RADIL: variants seen among roughly 807,000 people sequenced by gnomAD.
RADIL encodes the protein ras-associating and dilute domain-containing protein.
A neutral mutation model predicts 97.6 loss-of-function variants in RADIL; 99 were observed. The ratio of observed to expected loss-of-function variants is 1.01; its 90% CI spans 0.86 to 1.20. The LOEUF (loss-of-function observed/expected upper bound fraction) is 1.20, where lower values mean the gene tolerates loss of function less well. Ranked by LOEUF, RADIL falls within the 50% of genes most tolerant of loss-of-function variation. RADIL has a pLI of 0.00. For missense variants in RADIL, 1,765 were observed against 1,498.9 expected (o/e 1.18, Z -2.93); for synonymous variants, 803 against 691.8 (o/e 1.16, Z -2.52).
Position 4,835,188 on chromosome 7 carries a change from T to C in RADIL, c.835A>G (p.Thr279Ala), listed in dbSNP as rs992039335. The C allele has an allele frequency of 6.2e-7, 1 of 1,610,820 alleles. No individual in the cohort carries two copies. Among genetic ancestry groups the C allele is most frequent in the Admixed American group, 1.7e-5 (1 of 59,826 alleles). The change falls in exon 4 of 15, where the codon ACC becomes GCC. Residue 279 changes from threonine (T) to alanine (A), a missense_variant. Physicochemically the swap from Thr to Ala is moderately conservative, Grantham distance 58 (BLOSUM62 0). Transcript: ENST00000399583. This position sits in a 1 kb window ranked among gnomAD's most constrained non-coding sequence, Gnocchi z 5.8. ...CTGATGCTGGGCTTGCTGGAGGGGG[T>C]CCGCTGGCCCACCGTGTGCCGGTCC... ...NRDRHTVGQR[T>A]PSSKPSISLS...
intron 2 of RADIL, chr7:4,865,327 AC>A: frequency 1.9e-6 from 1 of 521,696 alleles, no homozygotes; most frequent in Non-Finnish European, 3.5e-6. Context: ...CTGCAAGAAT[AC>A]AATATTGTAT....
At chr7:4,847,912 C>T (rs1052689403) in intron 2 of RADIL, among the ~76,000 whole-genome samples, 2 of 151,994 alleles carry the variant, frequency 1.3e-5, no homozygotes, top group South Asian at 2.1e-4. Flanking sequence ...TGAAAACGTG[C>T]CGGCCGGGTG....
chr7:4,827,343 C>A (rs186243795), intron 5 of RADIL, among the ~76,000 whole-genome samples: 2 of 133,438 alleles, frequency 1.5e-5, no homozygotes, highest in Non-Finnish European at 3.1e-5. Context: ...CCAGCGTAGA[C>A]GACAGAGCGA....
rs1388949774 is a variant in RADIL, at chr7:4,837,455, T to C, written c.536-850A>G. Among the ~76,000 whole-genome samples the C allele has an allele frequency of 1.3e-5, 2 of 152,196 alleles. No individual in the cohort carries two copies. The highest frequency in any genetic ancestry group is 6.5e-5 in the Admixed American group (1 of 15,278). On this transcript the variant is annotated intron_variant, in intron 2 of 14. Transcript: ENST00000399583. This position sits in a 1 kb window ranked among gnomAD's most constrained non-coding sequence, Gnocchi z 5.6. ...CACTGTGCCACATCACCCCAGCCCATGGGGCTGCCGATGGCCTGCTCCTGC... is the reference window on the plus strand; with the variant it reads ...CACTGTGCCACATCACCCCAGCCCACGGGGCTGCCGATGGCCTGCTCCTGC...
In RADIL at chr7:4,800,029, C is replaced by T. The variant is rs539193664; in HGVS notation, c.2982+142G>A. Reference sequence around the variant, plus strand: ...CCGTTGGACAGGCTGGGTTCCCCTCCCAGCTGCAGAGGCCAACCCCACTCT... The same window carrying T: ...CCGTTGGACAGGCTGGGTTCCCCTCTCAGCTGCAGAGGCCAACCCCACTCT... On this transcript the variant is annotated intron_variant, in intron 13 of 14. Transcript: ENST00000399583. 6.1e-6 allele frequency: 8 copies of T among 1,305,846 alleles called. No individual in the cohort carries two copies. The South Asian group carries it at 1.2e-4, about 20-fold the overall frequency. The allele number at this position is 1,305,846 out of a possible 1,614,324, so 80.9% of individuals were successfully genotyped here.
chr7:4,861,756 T>TCGGCGG (rs1480415243), intron 2 of RADIL: 1 of 1,488,770 alleles, frequency 6.7e-7, no homozygotes, highest in Admixed American at 2.5e-5. Context: ...CCGTAGCGAT[T>TCGGCGG]CGGCGGCGGC....
At chr7:4,861,352 T>G in intron 2 of RADIL, 2 of 1,614,110 alleles carry the variant, frequency 1.2e-6, no homozygotes, top group Non-Finnish European at 1.7e-6. Flanking sequence ...CTGGCACAAA[T>G]GCCTCCTCGA....
chr7:4,871,431 C>A lies in RADIL; in HGVS notation c.535+6174G>T, dbSNP rs565134903. Among the ~76,000 whole-genome samples the A allele has an allele frequency of 1.8e-3, 277 of 152,376 alleles. 1 individual carries two copies. Among genetic ancestry groups the A allele is most frequent in the African/African-American group, 6.6e-3 (273 of 41,594 alleles). ...CACAACAGTCCCTGCGGCCCGCACACCCCTGGCTGTCATCGGGGAGGCCGA... is the reference window on the plus strand; with the variant it reads ...CACAACAGTCCCTGCGGCCCGCACAACCCTGGCTGTCATCGGGGAGGCCGA... On this transcript the variant is annotated intron_variant, in intron 2 of 14. Coordinates refer to ENST00000399583, the MANE Select transcript of RADIL (RefSeq NM_018059.5).
At position 4,880,118 on chromosome 7, in the gene RADIL, T is replaced by TAGAA; in HGVS notation, c.-64-1916_-64-1915insTTCT. On this transcript the variant is annotated intron_variant, in intron 1 of 14. Coordinates refer to ENST00000399583, the MANE Select transcript of RADIL (RefSeq NM_018059.5). The surrounding 1 kb of genome is among the most constrained non-coding windows in gnomAD (Gnocchi z 4.5). ...AAGGCTTTCGCTGTGCCTGGCTTTC[T>TAGAA]GAAGAGGTGAATTTGCTGTAACAGG... Among the ~76,000 whole-genome samples, 1 of 152,160 alleles carries TAGAA rather than the reference T, an allele frequency of 6.6e-6. No homozygotes were observed. Among genetic ancestry groups the TAGAA allele is most frequent in the Admixed American group, 6.5e-5 (1 of 15,270 alleles).
chr7:4,839,150 C>T (rs149233091), intron 2 of RADIL, among the ~76,000 whole-genome samples: 6 of 152,170 alleles, frequency 3.9e-5, no homozygotes, highest in African/African-American at 9.7e-5. Context: ...CATGATATGA[C>T]GCGTTGGCTC....
In RADIL at chr7:4,834,602, C is replaced by T. The variant is rs1783242129; in HGVS notation, c.1416+5G>A. 1 of 1,326,992 alleles carries T rather than the reference C, an allele frequency of 7.5e-7. No individual in the cohort carries two copies. The highest frequency in any genetic ancestry group is 9.7e-7 in the Non-Finnish European group (1 of 1,031,534). The allele number at this position is 1,326,992 out of a possible 1,614,324, so 82.2% of individuals were successfully genotyped here. A position where few individuals can be genotyped will look rare whatever the true frequency, so the allele number is the denominator to read the frequency against. ...GACCCAGACCGCCCACCCCAGCACACTGACCCAGACAGTCTCGCGGATCAG... is the reference window on the plus strand; with the variant it reads ...GACCCAGACCGCCCACCCCAGCACATTGACCCAGACAGTCTCGCGGATCAG... On this transcript the variant is annotated splice_donor_5th_base_variant and intron_variant, in intron 4 of 14. Transcript: ENST00000399583. The surrounding 1 kb of genome is among the most constrained non-coding windows in gnomAD (Gnocchi z 6.0).
At chr7:4,844,273 G>T (rs984177158) in intron 2 of RADIL, among the ~76,000 whole-genome samples, 1 of 151,938 alleles carries the variant, frequency 6.6e-6, no homozygotes, top group Non-Finnish European at 1.5e-5. Context: ...GTAAAACCCT[G>T]TCTCTACTAA....
At chr7:4,805,281 C>T (rs995651234) in intron 10 of RADIL, 20 of 396,486 alleles carry the variant, frequency 5.0e-5, no homozygotes, top group Admixed American at 2.0e-4. Context: ...CCCCATCCTC[C>T]GGCTCCGTGA....
intron 2 of RADIL, chr7:4,861,844 C>CACCACCGCGACCTTCACGTCCCCG: frequency 7.2e-7 from 1 of 1,394,992 alleles, no homozygotes; most frequent in Non-Finnish European, 9.3e-7. Flanking sequence ...GCACGTCCCC[C>CACCACCGCGACCTTCACGTCCCCG]ACCACCGCGA....
rs566712030 is a variant in RADIL, at chr7:4,831,666, G to C, written c.1454+475C>G. ...AGGCCAAGGCAGGTGGATCACTTGAGTTCAGTAGTTCGAGACCAGCCTGGC... is the reference window on the plus strand; with the variant it reads ...AGGCCAAGGCAGGTGGATCACTTGACTTCAGTAGTTCGAGACCAGCCTGGC... On this transcript the variant is annotated intron_variant, in intron 5 of 14. Transcript: ENST00000399583. Among the ~76,000 whole-genome samples, 5 of 148,968 alleles carry C rather than the reference G, an allele frequency of 3.4e-5. No individual in the cohort carries two copies. The South Asian group carries it at 8.6e-4, about 26-fold the overall frequency.
chr7:4,865,134 C>T (rs1476609770), intron 2 of RADIL, among the ~76,000 whole-genome samples: 2 of 152,230 alleles, frequency 1.3e-5, no homozygotes, highest in African/African-American at 4.8e-5. Context: ...CTGCTCTCTA[C>T]CTGGTTGGTG....
At chr7:4,832,287 C>T in intron 4 of RADIL, 109 bp from the exon 5 acceptor site, 1 of 1,088,944 alleles carries the variant, frequency 9.2e-7, no homozygotes, top group Non-Finnish European at 1.4e-6. Flanking sequence ...CTGCCCCAGG[C>T]ATCCTGTGTG....
rs1256840817 is a variant in RADIL at position 4,798,243 on chromosome 7, G to A, written c.*1135C>T. ...GCACACAGAACTGCGGGTCGGCAGA[G>A]GGCGCGGGGCGGACGCGCTGCACCT... On this transcript the variant is annotated 3_prime_UTR_variant, in exon 15 of 15. Coordinates refer to ENST00000399583, the MANE Select transcript of RADIL (RefSeq NM_018059.5). 2.0e-5 allele frequency: 3 copies of A among 152,064 alleles called. No individual in the cohort carries two copies. The East Asian group carries it at 5.8e-4, about 29-fold the overall frequency. The allele number at this position is 152,064 out of a possible 1,614,324, so 9.4% of individuals were successfully genotyped here. A position where few individuals can be genotyped will look rare whatever the true frequency, so the allele number is the denominator to read the frequency against.
rs369376254 is a variant in RADIL, at chr7:4,867,309, G to A, written c.535+10296C>T. Among the ~76,000 whole-genome samples, 4 of 152,236 alleles carry A rather than the reference G, an allele frequency of 2.6e-5. No individual in the cohort carries two copies. Among genetic ancestry groups the A allele is most frequent in the East Asian group, 1.9e-4 (1 of 5,184 alleles). ...GCTCCGTTCCTGGAAGAATGCCTCC[G>A]AGAACTCTGCACAAGCCCTCAACAG... On this transcript the variant is annotated intron_variant, in intron 2 of 14. Transcript: ENST00000399583. This position sits in a 1 kb window ranked among gnomAD's most constrained non-coding sequence, Gnocchi z 4.1.
Sources: gnomAD v4.1 joint callset for allele counts (sites outside exome capture counted in the v4.1 genomes callset) on GRCh38, gnomAD v4.1.1 for gene constraint, Gnocchi (gnomAD v3.1) non-coding constraint, MANE v1.5 for transcripts, NCBI Gene and HGNC (gene_info 2026-07-23, HGNC 2026-07-21) for gene names.